DYNC2I1: variants seen among roughly 807,000 people sequenced by gnomAD.
DYNC2I1 encodes dynein 2 intermediate chain 1.
DYNC2I1 carries 89 observed loss-of-function variants against 133.4 expected under a neutral mutation model. That is an observed-to-expected ratio of 0.67 (90% CI 0.56 to 0.80). The LOEUF is 0.80. Among genes scored for constraint, DYNC2I1 ranks in the 30% least tolerant of loss-of-function variants. The probability of loss-of-function intolerance (pLI) is 0.00; values close to 1 mark genes in which losing one functional copy is unlikely to be tolerated. For missense variants in DYNC2I1, 1,291 were observed against 1,314.5 expected (o/e 0.98, Z 0.28); for synonymous variants, 504 against 484.3 (o/e 1.04, Z -0.54).
chr7:158,919,078 A>G (rs1848758459), intron 15 of DYNC2I1, among the ~76,000 whole-genome samples: 1 of 152,186 alleles, frequency 6.6e-6, no homozygotes, highest in Non-Finnish European at 1.5e-5. Flanking sequence ...TTTTAGTAAG[A>G]TGAATAGAAG....
chr7:158,843,170 C>T, the DYNC2I1 span, among the ~76,000 whole-genome samples: 1 of 152,216 alleles, frequency 6.6e-6, no homozygotes, highest in East Asian at 1.9e-4. Context: ...TCTCAGCTTA[C>T]TGCAGCGTCC....
At chr7:158,904,626 C>T (rs1424135034) in intron 10 of DYNC2I1, 1 of 152,398 alleles carries the variant, frequency 6.6e-6, no homozygotes, top group Non-Finnish European at 1.5e-5. Context: ...TTTTTAAAAA[C>T]AGTCACATCT....
downstream of DYNC2I1, among the ~76,000 whole-genome samples, chr7:158,947,466 C>A (rs949920099): frequency 2.0e-5 from 3 of 152,240 alleles, no homozygotes; most frequent in Non-Finnish European, 2.9e-5. Context: ...TGCGAATTCT[C>A]AGCTATCATC....
chr7:158,918,610 G>A (rs1848711724), intron 14 of DYNC2I1, 130 bp from the exon 15 acceptor site: 3 of 1,026,910 alleles, frequency 2.9e-6, no homozygotes, highest in Non-Finnish European at 4.3e-6. Flanking sequence ...CGTTTTTCTT[G>A]TAGTTATGAT....
intron 13 of DYNC2I1, 59 bp from the exon 14 acceptor site, chr7:158,914,174 G>A (rs1257521619): frequency 5.0e-6 from 7 of 1,395,848 alleles, no homozygotes; most frequent in Middle Eastern, 1.8e-4. Context: ...CTTAAGATGT[G>A]TAATGCATGA....
the DYNC2I1 span, among the ~76,000 whole-genome samples, chr7:158,844,182 TC>T: frequency 3.9e-5 from 6 of 152,208 alleles, no homozygotes; most frequent in Non-Finnish European, 8.8e-5. Context: ...CTGACTCAGT[TC>T]CCAAGTGAGT....
chr7:158,886,904 G>C (rs1465164973), intron 6 of DYNC2I1, 117 bp from the exon 7 acceptor site: 4 of 949,396 alleles, frequency 4.2e-6, no homozygotes, highest in Non-Finnish European at 6.5e-6. Flanking sequence ...CCTGGTTGTA[G>C]TAGTTCTTAA....
chr7:158,918,612 A>T, intron 14 of DYNC2I1, 128 bp from the exon 15 acceptor site: 2 of 1,041,216 alleles, frequency 1.9e-6, no homozygotes, highest in Non-Finnish European at 1.4e-6. Flanking sequence ...TTTTTCTTGT[A>T]GTTATGATAG....
chr7:158,926,868 T>C (rs970428536), intron 19 of DYNC2I1, 124 bp from the exon 20 acceptor site: 1 of 700,484 alleles, frequency 1.4e-6, no homozygotes, highest in Non-Finnish European at 2.4e-6. Context: ...ATCAGTCTCT[T>C]TTTCTGGAGC....
At chr7:158,890,553 A>G (rs1028824479) in intron 7 of DYNC2I1, among the ~76,000 whole-genome samples, 8 of 151,978 alleles carry the variant, frequency 5.3e-5, no homozygotes, top group African/African-American at 1.9e-4. Flanking sequence ...ATAATACTTT[A>G]TACTGTCACC....
Position 158,871,596 on chromosome 7 carries a change from C to T in DYNC2I1, c.490+34C>T, listed in dbSNP as rs192379044. 236 of 1,492,628 alleles carry T rather than the reference C, an allele frequency of 1.6e-4. 1 individual carries two copies. The Middle Eastern group carries it at 1.9e-3, about 12-fold the overall frequency. The allele number at this position is 1,492,628 out of a possible 1,614,324, so 92.5% of individuals were successfully genotyped here. ...CCGCTTGCCTTCCTGTGGTTCCACC[C>T]GAGGTGCCGCGTCGCTGCTGGTGAC... is the stretch of plus-strand genomic sequence containing the variant. On this transcript the variant is annotated intron_variant, in intron 3 of 24. Transcript: ENST00000407559.
intron 1 of DYNC2I1, among the ~76,000 whole-genome samples, chr7:158,862,860 C>T (rs963355072): frequency 5.3e-5 from 8 of 152,066 alleles, no homozygotes; most frequent in African/African-American, 1.7e-4. Flanking sequence ...TTGCTGACTT[C>T]AGGAGTGAAG....
chr7:158,884,658 C>A, intron 6 of DYNC2I1, 39 bp downstream of exon 6: 1 of 1,604,692 alleles, frequency 6.2e-7, no homozygotes, highest in Admixed American at 1.7e-5. Flanking sequence ...TTTACGTGTG[C>A]CGCTCTCATG....
At chr7:158,946,942 C>T (rs1326188360), downstream of DYNC2I1, among the ~76,000 whole-genome samples, 1 of 152,228 alleles carries the variant, frequency 6.6e-6, no homozygotes, top group Non-Finnish European at 1.5e-5. Context: ...TGTGACGCTG[C>T]AGACACAGCC....
At chr7:158,911,978 TTTTA>T (rs1312928559) in intron 12 of DYNC2I1, among the ~76,000 whole-genome samples, 1 of 151,700 alleles carries the variant, frequency 6.6e-6, no homozygotes. Context: ...TGTGCAAATG[TTTTA>T]TTTATTTATT....
the DYNC2I1 span, among the ~76,000 whole-genome samples, chr7:158,846,467 C>G: frequency 6.4e-4 from 97 of 152,002 alleles, no homozygotes; most frequent in Middle Eastern, 3.4e-3. Flanking sequence ...CCATAAAGTT[C>G]AAGCATGTTG....
intron 20 of DYNC2I1, among the ~76,000 whole-genome samples, chr7:158,929,833 C>T (rs1017143261): frequency 8.5e-5 from 13 of 152,186 alleles, no homozygotes; most frequent in African/African-American, 3.1e-4. Context: ...CAGTGGGTGG[C>T]CGAGGAGCCA....
At chr7:158,927,184 T>C (rs1849707296) in intron 20 of DYNC2I1, 141 bp downstream of exon 20, 2 of 616,586 alleles carry the variant, frequency 3.2e-6, no homozygotes, top group East Asian at 2.9e-5. Flanking sequence ...GGAGGATTGC[T>C]TGAGCCCAGG....
intron 20 of DYNC2I1, among the ~76,000 whole-genome samples, chr7:158,927,254 T>A (rs2129487127): frequency 6.6e-6 from 1 of 151,776 alleles, no homozygotes; most frequent in East Asian, 2.0e-4. Context: ...AATTCAAAAA[T>A]TGGCTGGGCG....
Sources: allele counts gnomAD v4.1 joint callset (sites outside exome capture counted in the v4.1 genomes callset), GRCh38; gene constraint gnomAD v4.1.1; transcripts MANE v1.5; gene names NCBI Gene and HGNC (gene_info 2026-07-23, HGNC 2026-07-21).